The following LONRF1 variants were observed in gnomAD, a reference collection of about 807,000 sequenced individuals.
LONRF1 encodes the protein LON peptidase N-terminal domain and RING finger protein 1.
In LONRF1, 37 loss-of-function variants were observed where a neutral mutation model predicts 85.8. The ratio of observed to expected loss-of-function variants is 0.43; its 90% CI spans 0.33 to 0.57. The LOEUF (loss-of-function observed/expected upper bound fraction) is 0.57. LONRF1 is among the 20% of genes least tolerant of loss of function. LONRF1 has a pLI of 0.04. For missense variants in LONRF1, 1,036 were observed against 978.0 expected (o/e 1.06, Z -0.79); for synonymous variants, 517 against 390.1 (o/e 1.33, Z -3.83).
At position 12,743,257 on chromosome 8, in the gene LONRF1, A is replaced by C. The variant is rs149028383; in HGVS notation, c.747T>G (p.Ile249Met). The C allele has an allele frequency of 1.9e-6, 3 of 1,608,930 alleles. No homozygotes were observed. Among genetic ancestry groups the C allele is most frequent in the Non-Finnish European group, 2.6e-6 (3 of 1,176,384 alleles). ...RAEPSDLIVK[I>M]YRAESYAGLQ... ...GACCAGCATATGATTCCGCTCTGTA[A>C]ATTTTTACAATCAAGTCACTGGGTT... Residue 249 changes from isoleucine to methionine, a missense_variant, in exon 2 of 12, where the codon ATT (isoleucine) becomes ATG (methionine). Coordinates refer to ENST00000398246, the MANE Select transcript of LONRF1 (RefSeq NM_152271.5).
rs4831770 is a variant in LONRF1, at chr8:12,728,316, A to G, written c.2010+585T>C. 7.2e-3 allele frequency among the ~76,000 whole-genome samples: 1,095 copies of G among 152,082 alleles called. 15 individuals carry two copies. The highest frequency in any genetic ancestry group is 0.025 in the African/African-American group (1,056 of 41,476). ...ATCACAAAAACCCTACCCTGTTAAG[A>G]TATCACCAACATGTACACTGGCAGT... On this transcript the variant is annotated intron_variant, in intron 10 of 11. Coordinates refer to ENST00000398246, the MANE Select transcript of LONRF1 (RefSeq NM_152271.5).
chr8:12,749,600 G>C (rs959837004), intron 1 of LONRF1, among the ~76,000 whole-genome samples: 24 of 152,096 alleles, frequency 1.6e-4, no homozygotes, highest in Non-Finnish European at 4.4e-5. Flanking sequence ...AGATAATTCA[G>C]TTTTGGTAAA....
intron 10 of LONRF1, among the ~76,000 whole-genome samples, chr8:12,726,913 G>C (rs1232962642): frequency 6.6e-6 from 1 of 152,074 alleles, no homozygotes; most frequent in Admixed American, 6.6e-5. Context: ...ATAACAATGT[G>C]AATGTACTTA....
Position 12,755,176 on chromosome 8 carries a change from C to G in LONRF1, c.245G>C (p.Arg82Thr), listed in dbSNP as rs1425788769. 1.2e-5 allele frequency: 16 copies of G among 1,343,770 alleles called. No individual in the cohort carries two copies. The highest frequency in any genetic ancestry group is 1.9e-5 in the South Asian group (1 of 53,424). The allele number at this position is 1,343,770 out of a possible 1,614,324, so 83.2% of individuals were successfully genotyped here. Residue 82 changes from arginine to threonine, a missense_variant, in exon 1 of 12, where the codon AGG (arginine) becomes ACG (threonine). By Grantham distance (71) the Arg-to-Thr change is moderately conservative. Coordinates refer to ENST00000398246, the MANE Select transcript of LONRF1 (RefSeq NM_152271.5). ...AAALRRGAPARPECLGALVDC... is the reference protein window; with the variant it reads ...AAALRRGAPATPECLGALVDC... The stretch of plus-strand genomic sequence containing the variant: ...CACCAGGGCGCCCAGGCACTCGGGC[C>G]TGGCCGGGGCCCCGCGGCGCAGCGC...
intron 10 of LONRF1, among the ~76,000 whole-genome samples, chr8:12,726,592 A>G (rs1374489881): frequency 3.3e-5 from 5 of 152,234 alleles, no homozygotes; most frequent in Non-Finnish European, 7.3e-5. Flanking sequence ...GTAGTCTCAG[A>G]GAACACAGGT....
rs1450631285 is a variant in LONRF1, at chr8:12,725,822, G to C, written c.2068C>G (p.Gln690Glu). 6.2e-7 allele frequency: 1 copy of C among 1,613,610 alleles called. No individual in the cohort carries two copies. The highest frequency in any genetic ancestry group is 1.3e-5 in the African/African-American group (1 of 75,046). ...LRELHDLVYS[Q>E]ACSWFQNLRD... ...AAATTCTGAAACCAGCTGCAGGCTTGAGAGTAAACCAAATCATGAAGCTCT... is the reference window on the plus strand; with the variant it reads ...AAATTCTGAAACCAGCTGCAGGCTTCAGAGTAAACCAAATCATGAAGCTCT... Residue 690 changes from glutamine (Q) to glutamate (E), a missense_variant, in exon 11 of 12, where the codon CAA (glutamine) becomes GAA (glutamate). This residue lies in a region of LONRF1 where 265 missense variants were observed against 301.5 expected (regional missense o/e 0.88). Coordinates refer to ENST00000398246, the MANE Select transcript of LONRF1 (RefSeq NM_152271.5).
At chr8:12,731,892 GT>G (rs769886673) in intron 7 of LONRF1, 35 bp from the exon 8 acceptor site, 1 of 1,597,618 alleles carries the variant, frequency 6.3e-7, no homozygotes, top group Non-Finnish European at 8.5e-7. Context: ...TCCAGCAGTG[GT>G]TTTCCTACAG....
chr8:12,735,340 C>T lies in LONRF1; in HGVS notation c.1512G>A (p.Glu504=), dbSNP rs1443522969. Residue 504 remains glutamate (E), a synonymous_variant, in exon 7 of 12, where the codon GAG becomes GAA. Coordinates refer to ENST00000398246, the MANE Select transcript of LONRF1 (RefSeq NM_152271.5). The part of the protein sequence containing the change: ...CGHSFCKNCL[E]RCLDHAPYCP... ...AATATGGTGCATGATCTAAACAACGCTCAAGACAATTCTTACAGAACGAAT... is the reference window on the plus strand; with the variant it reads ...AATATGGTGCATGATCTAAACAACGTTCAAGACAATTCTTACAGAACGAAT... 15 of 1,608,574 alleles carry T rather than the reference C, an allele frequency of 9.3e-6. No homozygotes were observed. The highest frequency in any genetic ancestry group is 1.3e-5 in the Non-Finnish European group (15 of 1,176,890).
At chr8:12,736,556 G>T in intron 6 of LONRF1, 145 bp downstream of exon 6, 1 of 595,224 alleles carries the variant, frequency 1.7e-6, no homozygotes, top group Non-Finnish European at 2.8e-6. Flanking sequence ...GGCATGAAAG[G>T]TAAACCCAGG....
intron 1 of LONRF1, among the ~76,000 whole-genome samples, chr8:12,751,294 A>ATTTTTTTTTTTTGTT (rs1554469328): frequency 4.7e-5 from 4 of 84,818 alleles, no homozygotes; most frequent in East Asian, 3.9e-4. Context: ...TTTTATTTTT[A>ATTTTTTTTTTTTGTT]TGTTTTTTTT....
Position 12,735,367 on chromosome 8 carries a change from T to A in LONRF1, c.1485A>T (p.Gly495=). ...LFFEPVTTPC[G]HSFCKNCLER... The stretch of plus-strand genomic sequence containing the variant: ...CAAGACAATTCTTACAGAACGAATG[T>A]CCGCAAGGGGTTGTTACTGGCTCAA... The change falls in exon 7 of 12, where the codon GGA becomes GGT. Residue 495 remains glycine (G), a synonymous_variant. Coordinates refer to ENST00000398246, the MANE Select transcript of LONRF1 (RefSeq NM_152271.5). The A allele has an allele frequency of 6.2e-7, 1 of 1,606,586 alleles. No individual in the cohort carries two copies. The highest frequency in any genetic ancestry group is 1.1e-5 in the South Asian group (1 of 90,042).
At chr8:12,726,009 G>A (rs987293967) in intron 10 of LONRF1, 130 bp from the exon 11 acceptor site, 2 of 765,820 alleles carry the variant, frequency 2.6e-6, no homozygotes, top group East Asian at 2.6e-5. Flanking sequence ...ACGTCCCAGA[G>A]AGTATTATTC....
At chr8:12,725,623 A>G in intron 11 of LONRF1, 104 bp downstream of exon 11, 1 of 1,204,836 alleles carries the variant, frequency 8.3e-7, no homozygotes, top group African/African-American at 1.5e-5. Flanking sequence ...GGGACAGTCA[A>G]AGAAAAAGTA....
intron 1 of LONRF1, 118 bp downstream of exon 1, chr8:12,754,574 GCCAGCGGC>G (rs988602986): frequency 1.7e-5 from 18 of 1,049,704 alleles, no homozygotes; most frequent in East Asian, 8.3e-5. Flanking sequence ...GACCCGACAC[GCCAGCGGC>G]CCAGCGGCCC....
At chr8:12,730,964 G>C (rs1194498608) in intron 8 of LONRF1, among the ~76,000 whole-genome samples, 1 of 152,050 alleles carries the variant, frequency 6.6e-6, no homozygotes, top group Non-Finnish European at 1.5e-5. Context: ...TTGTTTTTTA[G>C]TGTGTTCAAT....
At chr8:12,743,003 G>A (rs1798999611) in intron 2 of LONRF1, among the ~76,000 whole-genome samples, 161 bp downstream of exon 2, 1 of 152,166 alleles carries the variant, frequency 6.6e-6, no homozygotes, top group South Asian at 2.1e-4. Flanking sequence ...TAGGATTATG[G>A]AAATGAGCCA....
At chr8:12,751,080 C>G (rs117009685) in intron 1 of LONRF1, among the ~76,000 whole-genome samples, 1 of 151,984 alleles carries the variant, frequency 6.6e-6, no homozygotes, top group African/African-American at 2.4e-5. Context: ...CGGAGAGAGG[C>G]GAGGGCTGCG....
chr8:12,731,409 CAT>C lies in LONRF1; in HGVS notation c.1688+325_1688+326del, dbSNP rs149839721. ...ACCTTCCTCTTGCCCTACCACGACA[CAT>C]GAGAGCCGCCATCACCACCAATGTC... is the stretch of plus-strand genomic sequence containing the variant. On this transcript the variant is annotated intron_variant, in intron 8 of 11. Transcript: ENST00000398246. Among the ~76,000 whole-genome samples the C allele has an allele frequency of 1.7e-3, 257 of 152,306 alleles. 6 individuals are homozygous for C. The East Asian group carries it at 0.043, about 25-fold the overall frequency.
At position 12,739,500 on chromosome 8, in the gene LONRF1, G is replaced by A. The variant is rs1798848542; in HGVS notation, c.964-1356C>T. 2.0e-5 allele frequency among the ~76,000 whole-genome samples: 3 copies of A among 152,142 alleles called. No homozygotes were observed. The South Asian group carries it at 6.2e-4, about 32-fold the overall frequency. ...GGGATGGAGGATTTACTGGAAAGGAGATGAAGGTACTTTCTAGGGTGATGG... is the reference window on the plus strand; with the variant it reads ...GGGATGGAGGATTTACTGGAAAGGAAATGAAGGTACTTTCTAGGGTGATGG... On this transcript the variant is annotated intron_variant, in intron 3 of 11. Coordinates refer to ENST00000398246, the MANE Select transcript of LONRF1 (RefSeq NM_152271.5).
Sources: gnomAD v4.1 joint callset for allele counts (sites outside exome capture counted in the v4.1 genomes callset) on GRCh38, gnomAD v4.1.1 for gene constraint, gnomAD v4.1.1 regional missense constraint, MANE v1.5 for transcripts, NCBI Gene and HGNC (gene_info 2026-07-23, HGNC 2026-07-21) for gene names.